Variants in YME1L1 observed in about 807,000 individuals in gnomAD.
YME1L1 encodes YME1 like 1 ATPase, also known as ATP-dependent zinc metalloprotease YME1L1.
In YME1L1, 39 loss-of-function variants were observed where a neutral mutation model predicts 90.4. The ratio of observed to expected loss-of-function variants is 0.43; its 90% CI spans 0.33 to 0.56. The LOEUF (loss-of-function observed/expected upper bound fraction) is 0.56, where lower values mean the gene tolerates loss of function less well. YME1L1 is among the 20% of genes least tolerant of loss of function. YME1L1 has a pLI of 0.03. For synonymous variants in YME1L1, 284 were observed against 287.3 expected, an observed-to-expected ratio of 0.99 and a Z score of 0.12; for missense variants, 617 against 868.4, an observed-to-expected ratio of 0.71 and a Z score of 3.64.
At chr10:27,138,365 A>G (rs1309933029) in intron 4 of YME1L1, among the ~76,000 whole-genome samples, 1 of 152,136 alleles carries the variant, frequency 6.6e-6, no homozygotes, top group Non-Finnish European at 1.5e-5. Flanking sequence ...CAAGTGGGTC[A>G]TTAGAGTTTT....
chr10:27,150,406 G>A (rs2057198546), intron 1 of YME1L1, among the ~76,000 whole-genome samples: 1 of 152,104 alleles, frequency 6.6e-6, no homozygotes, highest in South Asian at 2.1e-4. Context: ...TGGAGTAGGG[G>A]CAAAATGAGG....
intron 11 of YME1L1, among the ~76,000 whole-genome samples, chr10:27,122,282 A>G (rs1344342213): frequency 1.3e-5 from 2 of 152,234 alleles, no homozygotes; most frequent in Non-Finnish European, 2.9e-5. Flanking sequence ...AACCTGATAT[A>G]AAAAGCTTAG....
chr10:27,113,674 A>T (rs1477122864), intron 18 of YME1L1, among the ~76,000 whole-genome samples: 2 of 146,454 alleles, frequency 1.4e-5, no homozygotes, highest in East Asian at 3.9e-4. Flanking sequence ...CTCTGTCTCA[A>T]AAAAAAAAAA....
chr10:27,132,734 G>A (rs2056989748), intron 7 of YME1L1, among the ~76,000 whole-genome samples: 1 of 151,972 alleles, frequency 6.6e-6, no homozygotes, highest in Non-Finnish European at 1.5e-5. Flanking sequence ...CAGTGAAATT[G>A]CTTGAACCCC....
chr10:27,112,717 A>T (rs12248381), intron 18 of YME1L1, among the ~76,000 whole-genome samples: 15,236 of 149,364 alleles, frequency 0.1, 2,494 homozygotes, highest in African/African-American at 0.35. Flanking sequence ...CTCTCTCTCT[A>T]TTTTTTTTTC....
At chr10:27,141,613 C>T (rs1289862486) in intron 4 of YME1L1, among the ~76,000 whole-genome samples, 1 of 128,742 alleles carries the variant, frequency 7.8e-6, no homozygotes, top group Non-Finnish European at 1.6e-5. Flanking sequence ...CACACACACA[C>T]ACACACACAC....
At chr10:27,148,720 C>G (rs889699996) in intron 2 of YME1L1, among the ~76,000 whole-genome samples, 186 bp downstream of exon 2, 2 of 151,734 alleles carry the variant, frequency 1.3e-5, no homozygotes, top group African/African-American at 4.9e-5. Flanking sequence ...TGTTAATGGA[C>G]CCTTTATTTT....
chr10:27,154,301 T>C lies in YME1L1; in HGVS notation c.-91A>G. On this transcript the variant is annotated 5_prime_UTR_variant, in exon 1 of 19. Coordinates refer to ENST00000376016, the MANE Select transcript of YME1L1 (RefSeq NM_014263.4). ...GGGGAGGCGCTGAGCCCTTCTTTTT[T>C]CCTTTTTCTCCGACCCGTTGCCCCT... 1 of 1,471,636 alleles carries C rather than the reference T, an allele frequency of 6.8e-7. No homozygotes were observed. Among genetic ancestry groups the C allele is most frequent in the Non-Finnish European group, 9.2e-7 (1 of 1,089,372 alleles). 91.2% of individuals were successfully genotyped at this position (1,471,636 alleles called of 1,614,324 possible).
chr10:27,116,848 C>T (rs373496374), intron 15 of YME1L1, among the ~76,000 whole-genome samples: 59 of 151,372 alleles, frequency 3.9e-4, no homozygotes, highest in African/African-American at 1.1e-3. Context: ...GGCAACATCG[C>T]GAGACTCCAT....
chr10:27,143,425 C>T (rs953605042), intron 3 of YME1L1, among the ~76,000 whole-genome samples: 1 of 141,832 alleles, frequency 7.1e-6, no homozygotes, highest in African/African-American at 2.6e-5. Context: ...TAAGGCCAGG[C>T]GCGGTGCCTC....
At chr10:27,146,829 T>G (rs1223827288) in intron 2 of YME1L1, 1 of 153,916 alleles carries the variant, frequency 6.5e-6, no homozygotes, top group Non-Finnish European at 1.4e-5. Context: ...ATTCTTAGAA[T>G]TCATTTTCTC....
chr10:27,149,572 G>A (rs2057185803), intron 1 of YME1L1, among the ~76,000 whole-genome samples: 1 of 151,740 alleles, frequency 6.6e-6, no homozygotes, highest in Non-Finnish European at 1.5e-5. Flanking sequence ...TTAGATGGGT[G>A]TGATGGTGTG....
At chr10:27,124,500 C>T (rs1330734101) in intron 9 of YME1L1, among the ~76,000 whole-genome samples, 2 of 152,114 alleles carry the variant, frequency 1.3e-5, no homozygotes, top group African/African-American at 4.8e-5. Flanking sequence ...AACTTCTTTA[C>T]ATACATGTTT....
At position 27,131,861 on chromosome 10, in the gene YME1L1, CT is replaced by C; in HGVS notation, c.855del (p.Val287TrpfsTer15). ...GCAAGGCAATCTTCTTAACTTACCCCTTTAACATGTTCAAAGGTGACATTTT... is the reference window on the plus strand; with the variant it reads ...GCAAGGCAATCTTCTTAACTTACCCCTTAACATGTTCAAAGGTGACATTTT... ...QMKNVTFEHVKGVEEAKQELQ... is the reference protein window; with the variant it reads ...QMKNVTFEHVXGVEEAKQELQ... On this transcript the variant is annotated frameshift_variant, in exon 8 of 19. Transcript: ENST00000376016. LOFTEE classifies it high-confidence loss of function. The C allele has an allele frequency of 6.2e-7, 1 of 1,609,592 alleles. No individual in the cohort carries two copies. The highest frequency in any genetic ancestry group is 8.5e-7 in the Non-Finnish European group (1 of 1,178,176).
intron 7 of YME1L1, among the ~76,000 whole-genome samples, chr10:27,133,019 CAGG>C (rs1022958134): frequency 1.3e-5 from 2 of 152,082 alleles, no homozygotes; most frequent in African/African-American, 4.8e-5. Flanking sequence ...GCACAGGGCC[CAGG>C]AGAATTTTCA....
chr10:27,118,217 C>A (rs1055341551), intron 14 of YME1L1, among the ~76,000 whole-genome samples: 4 of 152,172 alleles, frequency 2.6e-5, no homozygotes, highest in African/African-American at 9.7e-5. Context: ...CTCAAGCAAT[C>A]CACCCACCTC....
rs1259145916 is a variant in YME1L1, at chr10:27,119,348, T to C, written c.1513A>G (p.Lys505Glu). ...QAALKAAVDG[K>E]EMVTMKELEF... ...AGCTCCTTCATGGTAACCATTTCTT[T>C]TCCATCAACAGCTGCTTTTAATGCA... is the stretch of plus-strand genomic sequence containing the variant. Residue 505 changes from lysine to glutamate, a missense_variant, in exon 14 of 19, where the codon AAA becomes GAA. Around this residue, in one of 4 missense-constraint regions of YME1L1, gnomAD observed 212 missense variants for 330.0 expected, o/e 0.64. Coordinates refer to ENST00000376016, the MANE Select transcript of YME1L1 (RefSeq NM_014263.4). 6.2e-7 allele frequency: 1 copy of C among 1,613,718 alleles called. No homozygotes were observed. The highest frequency in any genetic ancestry group is 1.1e-5 in the South Asian group (1 of 91,008).
chr10:27,130,906 G>A (rs1198171812), intron 8 of YME1L1, among the ~76,000 whole-genome samples: 1 of 152,144 alleles, frequency 6.6e-6, no homozygotes, highest in Non-Finnish European at 1.5e-5. Context: ...TCTAATTGCT[G>A]AGACCAAAAA....
In YME1L1 at chr10:27,111,871, A is replaced by G. The variant is rs201488273; in HGVS notation, c.*106T>C. On this transcript the variant is annotated 3_prime_UTR_variant, in exon 19 of 19. Coordinates refer to ENST00000376016, the MANE Select transcript of YME1L1 (RefSeq NM_014263.4). ...TTGACAAAGCATTTCACACCCTTCA[A>G]TTACACCACATCAAGAATGAGGGGA... is the stretch of plus-strand genomic sequence containing the variant. 6.0e-5 allele frequency: 85 copies of G among 1,417,010 alleles called. No individual in the cohort carries two copies. Among genetic ancestry groups the G allele is most frequent in the Non-Finnish European group, 8.2e-5 (83 of 1,008,728 alleles). The allele number at this position is 1,417,010 out of a possible 1,614,324, so 87.8% of individuals were successfully genotyped here.
Sources: allele counts gnomAD v4.1 joint callset (sites outside exome capture counted in the v4.1 genomes callset), GRCh38; gene constraint gnomAD v4.1.1; regional missense constraint gnomAD v4.1.1; transcripts MANE v1.5; gene names NCBI Gene and HGNC (gene_info 2026-07-23, HGNC 2026-07-21).